SAP18: variants seen among roughly 807,000 people sequenced by gnomAD.
SAP18 encodes Sin3A associated protein 18.
In SAP18, 4 loss-of-function variants were observed where a neutral mutation model predicts 18.6. The observed-to-expected ratio is 0.21, with a 90% CI of 0.11 to 0.49. SAP18 has a LOEUF of 0.49. Among genes scored for constraint, SAP18 ranks in the 20% least tolerant of loss-of-function variants. The pLI, the probability that SAP18 is intolerant of heterozygous loss-of-function variation, is 0.98. For synonymous variants in SAP18, 112 were observed against 82.8 expected (o/e 1.35, Z -1.92); for missense variants, 170 against 226.4 (o/e 0.75, Z 1.60).
At chr13:21,141,783 C>G (rs1869475918) in intron 2 of SAP18, among the ~76,000 whole-genome samples, 1 of 152,006 alleles carries the variant, frequency 6.6e-6, no homozygotes, top group Non-Finnish European at 1.5e-5. Context: ...TCTTCTGACT[C>G]AGCCTCCCAA....
intron 2 of SAP18, chr13:21,141,530 A>G (rs918480137): frequency 2.5e-5 from 4 of 162,508 alleles, no homozygotes; most frequent in African/African-American, 9.6e-5. Flanking sequence ...TGGTTCCTGA[A>G]TGTTTATCTC....
At chr13:21,147,448 A>G (rs1381384361) in exon 4 of SAP18, 3 of 965,228 alleles carry the variant, frequency 3.1e-6, no homozygotes, top group Non-Finnish European at 4.7e-6. Context: ...ATTCTAAACA[A>G]ATTATAATGC....
At chr13:21,143,547 AGT>A (rs1279721216) in intron 2 of SAP18, among the ~76,000 whole-genome samples, 1 of 152,196 alleles carries the variant, frequency 6.6e-6, no homozygotes, top group Non-Finnish European at 1.5e-5. Context: ...CAGAAATTAA[AGT>A]GTATGTTTCT....
intron 2 of SAP18, among the ~76,000 whole-genome samples, chr13:21,145,261 A>G (rs1869611283): frequency 1.3e-5 from 2 of 152,064 alleles, no homozygotes; most frequent in Non-Finnish European, 2.9e-5. Context: ...TGATGTATAA[A>G]ATTGTATTCC....
upstream of SAP18, chr13:21,140,438 GC>G: frequency 8.1e-7 from 1 of 1,231,922 alleles, no homozygotes; most frequent in Non-Finnish European, 1.1e-6. Context: ...CAACACGCAG[GC>G]GCGCTCCGGC....
chr13:21,146,785 CT>C lies in SAP18; in HGVS notation c.240-14del, dbSNP rs1298574782. ...CTGATTAATAAGCAAATGTAAATGT[CT>C]TTTTTAAAAAAAATCCAGGATGGAT... On this transcript the variant is annotated intron_variant, in intron 2 of 3. Transcript: ENST00000621421. 6.4e-7 allele frequency: 1 copy of C among 1,568,226 alleles called. No individual in the cohort carries two copies. Among genetic ancestry groups the C allele is most frequent in the Admixed American group, 2.0e-5 (1 of 50,510 alleles).
At chr13:21,141,431 C>A in intron 2 of SAP18, 1 of 170,498 alleles carries the variant, frequency 5.9e-6, no homozygotes, top group Non-Finnish European at 1.3e-5. Flanking sequence ...GGTACCAAAG[C>A]ACCAAAAGTG....
chr13:21,141,195 T>G, intron 2 of SAP18, 200 bp downstream of exon 2: 2 of 590,508 alleles, frequency 3.4e-6, no homozygotes, highest in Non-Finnish European at 6.0e-6. Flanking sequence ...CTTTTGTGAT[T>G]AATGTTGCAA....
chr13:21,147,575 T>G, exon 4 of SAP18: 1 of 473,446 alleles, frequency 2.1e-6, no homozygotes, highest in Non-Finnish European at 3.8e-6. Context: ...TGTGTAAAAC[T>G]GTACTGTTAA....
At chr13:21,146,528 G>T (rs1869656147) in intron 2 of SAP18, 2 of 244,528 alleles carry the variant, frequency 8.2e-6, no homozygotes, top group Non-Finnish European at 1.6e-5. Flanking sequence ...ATAAGGTGTT[G>T]TGTAGCAACA....
rs557140046 is a variant in SAP18, at chr13:21,147,010, T to C, written c.362+83T>C. ...TGATACAGATAACTCCTTCAATGAA[T>C]CTTGTTAGTGGGAGAATATGGGTTT... On this transcript the variant is annotated intron_variant, in intron 3 of 3. Transcript: ENST00000621421. 17 of 1,474,924 alleles carry C rather than the reference T, an allele frequency of 1.2e-5. No individual in the cohort carries two copies. The African/African-American group carries it at 1.8e-4, about 16-fold the overall frequency. The allele number at this position is 1,474,924 out of a possible 1,614,324, so 91.4% of individuals were successfully genotyped here. A position where few individuals can be genotyped will look rare whatever the true frequency, so the allele number is the denominator to read the frequency against.
chr13:21,146,069 G>T (rs192715033), intron 2 of SAP18, among the ~76,000 whole-genome samples: 1 of 152,146 alleles, frequency 6.6e-6, no homozygotes, highest in African/African-American at 2.4e-5. Context: ...CTGGCTGGGC[G>T]CAGTGGCTCA....
At position 21,146,783 on chromosome 13, in the gene SAP18, G is replaced by A. The variant is rs370343426; in HGVS notation, c.240-22G>A. ...TGCTGATTAATAAGCAAATGTAAATGTCTTTTTTAAAAAAAATCCAGGATG... is the reference window on the plus strand; with the variant it reads ...TGCTGATTAATAAGCAAATGTAAATATCTTTTTTAAAAAAAATCCAGGATG... On this transcript the variant is annotated intron_variant, in intron 2 of 3. Coordinates refer to ENST00000621421, the Ensembl canonical transcript of SAP18. The A allele has an allele frequency of 2.4e-5, 37 of 1,562,774 alleles. 1 individual carries two copies. In the Middle Eastern group the frequency reaches 1.3e-3, roughly 53 times the overall value.
chr13:21,142,294 A>AT (rs1471788509), intron 2 of SAP18, among the ~76,000 whole-genome samples: 13 of 150,956 alleles, frequency 8.6e-5, no homozygotes, highest in African/African-American at 2.9e-4. Flanking sequence ...CTCAAAATAT[A>AT]TATGTGTGTG....
chr13:21,144,187 A>G (rs1365828274), intron 2 of SAP18, among the ~76,000 whole-genome samples: 2 of 152,030 alleles, frequency 1.3e-5, no homozygotes, highest in Non-Finnish European at 2.9e-5. Context: ...TGGGCGGGTC[A>G]TGAGGTCAGG....
At chr13:21,141,887 G>T (rs891509178) in intron 2 of SAP18, among the ~76,000 whole-genome samples, 4 of 151,506 alleles carry the variant, frequency 2.6e-5, no homozygotes, top group African/African-American at 7.3e-5. Flanking sequence ...GGCTGGTCTC[G>T]AACTCTTGAC....
exon 4 of SAP18, chr13:21,147,971 G>C (rs1027874997): frequency 2.0e-5 from 3 of 152,278 alleles, no homozygotes; most frequent in African/African-American, 7.2e-5. Flanking sequence ...AGGAAACAAG[G>C]GTTTGGGTAG....
chr13:21,147,529 T>C lies in SAP18; in HGVS notation c.*187T>C, dbSNP rs1869690973. The C allele has an allele frequency of 6.8e-6, 4 of 588,132 alleles. No individual in the cohort carries two copies. In the South Asian group the frequency reaches 9.0e-5, roughly 13 times the overall value. The allele number at this position is 588,132 out of a possible 1,614,324, so 36.4% of individuals were successfully genotyped here. A position where few individuals can be genotyped will look rare whatever the true frequency, so the allele number is the denominator to read the frequency against. ...CGAATAGTCTGTATGTTTCAAGCCCTTCTGTAAAATATGAAGAAAAGTGCT... is the reference window on the plus strand; with the variant it reads ...CGAATAGTCTGTATGTTTCAAGCCCCTCTGTAAAATATGAAGAAAAGTGCT... On this transcript the variant is annotated 3_prime_UTR_variant, in exon 4 of 4. Coordinates refer to ENST00000621421, the Ensembl canonical transcript of SAP18.
exon 4 of SAP18, chr13:21,147,225 G>A: frequency 1.2e-6 from 2 of 1,614,016 alleles, no homozygotes; most frequent in Non-Finnish European, 1.7e-6. Flanking sequence ...GCAGAAAGGG[G>A]ACTGATGATT....
Sources: gnomAD v4.1 joint callset for allele counts (sites outside exome capture counted in the v4.1 genomes callset) on GRCh38, gnomAD v4.1.1 for gene constraint, MANE v1.5 for transcripts, NCBI Gene and HGNC (gene_info 2026-07-23, HGNC 2026-07-21) for gene names.